RTN1: variants seen among roughly 807,000 people sequenced by gnomAD.
The protein encoded by RTN1 is reticulon 1, also known as reticulon-1.
Under a neutral mutation model 65.5 loss-of-function variants are expected in RTN1, and 25 were observed. The observed-to-expected ratio is 0.38, with a 90% CI of 0.28 to 0.53. The LOEUF (loss-of-function observed/expected upper bound fraction) is 0.53, where lower values mean the gene tolerates loss of function less well. Ranked by LOEUF, RTN1 falls within the 20% of genes least tolerant of loss-of-function variation. RTN1 has a pLI of 0.79. For synonymous variants in RTN1, 471 were observed against 447.6 expected (o/e 1.05, Z -0.66); for missense variants, 983 against 1,025.4 (o/e 0.96, Z 0.57).
intron 3 of RTN1, among the ~76,000 whole-genome samples, chr14:59,617,426 A>AT (rs1882133616): frequency 6.6e-6 from 1 of 152,262 alleles, no homozygotes; most frequent in Non-Finnish European, 1.5e-5. Flanking sequence ...ATCAAAGCCA[A>AT]TTGAAAAAGC....
In RTN1 at chr14:59,704,425, T is replaced by C. The variant is rs569623920; in HGVS notation, c.1765+22494A>G. On this transcript the variant is annotated intron_variant, in intron 3 of 8. Transcript: ENST00000267484. ...GAGGATGGAGTGAAAGAGCAGTAGATGCAATATGGTCTGCCATCAGGGGAA... is the reference window on the plus strand; with the variant it reads ...GAGGATGGAGTGAAAGAGCAGTAGACGCAATATGGTCTGCCATCAGGGGAA... Among the ~76,000 whole-genome samples, 20 of 152,320 alleles carry C rather than the reference T, an allele frequency of 1.3e-4. No homozygotes were observed. The East Asian group carries it at 2.1e-3, about 16-fold the overall frequency.
intron 3 of RTN1, among the ~76,000 whole-genome samples, chr14:59,634,196 A>G (rs1253747800): frequency 6.6e-6 from 1 of 152,230 alleles, no homozygotes; most frequent in Non-Finnish European, 1.5e-5. Context: ...AAGGAGCAGG[A>G]GAATGCCATT....
At position 59,794,925 on chromosome 14, in the gene RTN1, T is replaced by C. The variant is rs752660834; in HGVS notation, c.242-48444A>G. The stretch of plus-strand genomic sequence containing the variant: ...CACTACAGGAGAAGAAAAGAATAGA[T>C]ACTGGAGGAAACCTAGCAGCTTATG... On this transcript the variant is annotated intron_variant, in intron 1 of 8. Transcript: ENST00000267484. This position sits in a 1 kb window ranked among gnomAD's most constrained non-coding sequence, Gnocchi z 5.1. Among the ~76,000 whole-genome samples, 10 of 152,198 alleles carry C rather than the reference T, an allele frequency of 6.6e-5. No individual in the cohort carries two copies. Among genetic ancestry groups the C allele is most frequent in the Admixed American group, 1.3e-4 (2 of 15,278 alleles).
intron 3 of RTN1, among the ~76,000 whole-genome samples, chr14:59,624,364 A>G (rs1023886447): frequency 6.6e-6 from 1 of 152,222 alleles, no homozygotes; most frequent in Non-Finnish European, 1.5e-5. Context: ...CCTAGGCAGA[A>G]GATGGCTTTT....
Position 59,745,351 on chromosome 14 carries a change from G to A in RTN1, c.1015+357C>T, listed in dbSNP as rs73313716. ...GACTAAGACAACCCAGATCCTAGCC[G>A]AAAGCTAACTGAGAAGCAGGCAGTA... On this transcript the variant is annotated intron_variant, in intron 2 of 8. Transcript: ENST00000267484. Among the ~76,000 whole-genome samples, 462 of 152,220 alleles carry A rather than the reference G, an allele frequency of 3.0e-3. 3 individuals carry two copies. Among genetic ancestry groups the A allele is most frequent in the African/African-American group, 0.011 (454 of 41,530 alleles).
chr14:59,794,299 G>A lies in RTN1; in HGVS notation c.242-47818C>T, dbSNP rs113523971. Among the ~76,000 whole-genome samples the A allele has an allele frequency of 2.2e-4, 33 of 152,278 alleles. No individual in the cohort carries two copies. The highest frequency in any genetic ancestry group is 7.0e-4 in the African/African-American group (29 of 41,560). ...TGCCCTTGAGTGTTAACAGAAACAC[G>A]TCTAACCCAAGTATATTGTTAACTT... On this transcript the variant is annotated intron_variant, in intron 1 of 8. Transcript: ENST00000267484. This position sits in a 1 kb window ranked among gnomAD's most constrained non-coding sequence, Gnocchi z 5.1.
chr14:59,654,230 AGCCTG>A (rs1883074704), intron 3 of RTN1, among the ~76,000 whole-genome samples: 1 of 152,158 alleles, frequency 6.6e-6, no homozygotes, highest in Non-Finnish European at 1.5e-5. Context: ...GTTCGAGAAC[AGCCTG>A]GCCAATGTGG....
intron 3 of RTN1, among the ~76,000 whole-genome samples, chr14:59,608,522 T>C (rs987475523): frequency 2.6e-5 from 4 of 152,032 alleles, no homozygotes; most frequent in South Asian, 2.1e-4. Context: ...GCAATAGAGG[T>C]GACATAAGGA....
rs549107043 is a variant in RTN1 at position 59,869,526 on chromosome 14, C to T, written c.241+864G>A. 8.1e-5 allele frequency among the ~76,000 whole-genome samples: 11 copies of T among 135,624 alleles called. No homozygotes were observed. In the Admixed American group the frequency reaches 8.6e-4, roughly 11 times the overall value. The allele number at this position is 135,624 out of a possible 152,430, so 89.0% of individuals were successfully genotyped here. ...CCCGCTGGACACTGGCGCGCTCAGACTTTGAATAGGGCGTCAGGCGAAGAA... is the reference window on the plus strand; with the variant it reads ...CCCGCTGGACACTGGCGCGCTCAGATTTTGAATAGGGCGTCAGGCGAAGAA... On this transcript the variant is annotated intron_variant, in intron 1 of 8. Coordinates refer to ENST00000267484, the MANE Select transcript of RTN1 (RefSeq NM_021136.3).
chr14:59,654,434 A>G (rs1435493217), intron 3 of RTN1, among the ~76,000 whole-genome samples: 3 of 146,358 alleles, frequency 2.0e-5, no homozygotes, highest in Non-Finnish European at 3.1e-5. Flanking sequence ...GTCTCTGTGA[A>G]AAAAAAAAAA....
At chr14:59,634,793 A>C (rs957300165) in intron 3 of RTN1, among the ~76,000 whole-genome samples, 3 of 152,198 alleles carry the variant, frequency 2.0e-5, no homozygotes, top group African/African-American at 7.2e-5. Flanking sequence ...GAAAGGCTTT[A>C]GAGGGTAGGT....
intron 3 of RTN1, among the ~76,000 whole-genome samples, chr14:59,676,370 T>C (rs1883627752): frequency 6.6e-6 from 1 of 152,198 alleles, no homozygotes; most frequent in African/African-American, 2.4e-5. Flanking sequence ...ATAAATAACC[T>C]TGAAAATATC....
chr14:59,711,536 A>G (rs1884418506), intron 3 of RTN1, among the ~76,000 whole-genome samples: 1 of 152,256 alleles, frequency 6.6e-6, no homozygotes, highest in Admixed American at 6.5e-5. Context: ...TATAAAGCAC[A>G]TTGACATAAA....
chr14:59,615,573 T>C (rs908028968), intron 3 of RTN1, among the ~76,000 whole-genome samples: 1 of 152,062 alleles, frequency 6.6e-6, no homozygotes, highest in African/African-American at 2.4e-5. Context: ...TAATGGAAAA[T>C]TGTAAAGGGT....
chr14:59,796,119 T>C (rs940288639), intron 1 of RTN1, among the ~76,000 whole-genome samples: 1 of 152,194 alleles, frequency 6.6e-6, no homozygotes, highest in Non-Finnish European at 1.5e-5. Context: ...AAGATTATAA[T>C]ACCATGTTTT....
At chr14:59,761,141 T>G (rs1263269414) in intron 1 of RTN1, among the ~76,000 whole-genome samples, 2 of 152,212 alleles carry the variant, frequency 1.3e-5, no homozygotes, top group Admixed American at 6.5e-5. Flanking sequence ...AGTCTTAGCC[T>G]CTGCACTGGG....
chr14:59,632,438 AG>A (rs1882574473), intron 3 of RTN1, among the ~76,000 whole-genome samples: 1 of 152,174 alleles, frequency 6.6e-6, no homozygotes, highest in Non-Finnish European at 1.5e-5. Context: ...GCATGATATG[AG>A]GACAAGACTG....
intron 1 of RTN1, among the ~76,000 whole-genome samples, chr14:59,777,822 CAAAA>C (rs34532344): frequency 2.0e-5 from 3 of 147,390 alleles, no homozygotes; most frequent in Non-Finnish European, 3.0e-5. Flanking sequence ...ACAACAACAA[CAAAA>C]AAAAAAAACA....
rs1566729144 is a variant in RTN1 at position 59,793,639 on chromosome 14, CACACA to C, written c.242-47163_242-47159del. 1.6e-4 allele frequency among the ~76,000 whole-genome samples: 20 copies of C among 128,130 alleles called. 1 individual carries two copies. Among genetic ancestry groups the C allele is most frequent in the Admixed American group, 8.7e-4 (11 of 12,670 alleles). 84.1% of individuals were successfully genotyped at this position (128,130 alleles called of 152,430 possible). On this transcript the variant is annotated intron_variant, in intron 1 of 8. Coordinates refer to ENST00000267484, the MANE Select transcript of RTN1 (RefSeq NM_021136.3). The stretch of plus-strand genomic sequence containing the variant: ...CCTTGTCAATTACAGGCACACACCA[CACACA>C]CACACACACACACACACACACACAC...
Sources: allele counts gnomAD v4.1 joint callset (sites outside exome capture counted in the v4.1 genomes callset), GRCh38; gene constraint gnomAD v4.1.1; non-coding constraint Gnocchi (gnomAD v3.1); transcripts MANE v1.5; gene names NCBI Gene and HGNC (gene_info 2026-07-23, HGNC 2026-07-21).